Variants in GRID2 observed in about 807,000 individuals in gnomAD.
GRID2 encodes glutamate receptor ionotropic, delta-2.
Under a neutral mutation model 114.8 loss-of-function variants are expected in GRID2, and 33 were observed. The observed-to-expected ratio is 0.29, with a 90% CI of 0.22 to 0.38. The LOEUF (loss-of-function observed/expected upper bound fraction) is 0.38. Ranked by LOEUF, GRID2 falls within the 10% of genes least tolerant of loss-of-function variation. GRID2 has a pLI of 1.00. For synonymous variants in GRID2, 505 were observed against 449.9 expected (o/e 1.12, Z -1.55); for missense variants, 1,184 against 1,257.7 (o/e 0.94, Z 0.89).
chr4:92,553,919 G>T (rs1726724543), intron 1 of GRID2, among the ~76,000 whole-genome samples: 1 of 152,042 alleles, frequency 6.6e-6, no homozygotes, highest in Admixed American at 6.6e-5. Context: ...CAAAGTGCTG[G>T]GATTACAGGC....
At chr4:92,842,624 T>G (rs1012683112) in intron 2 of GRID2, among the ~76,000 whole-genome samples, 1 of 152,104 alleles carries the variant, frequency 6.6e-6, no homozygotes, top group African/African-American at 2.4e-5. Flanking sequence ...TGGCAGGTGC[T>G]GAGAAATAGT....
chr4:92,551,538 C>T (rs765999405), intron 1 of GRID2, among the ~76,000 whole-genome samples: 4 of 152,148 alleles, frequency 2.6e-5, no homozygotes, highest in African/African-American at 9.6e-5. Context: ...TGTGTCAGTG[C>T]CTGGGAGGAT....
intron 1 of GRID2, among the ~76,000 whole-genome samples, chr4:93,805,976 G>T (rs1268695618): frequency 6.6e-6 from 1 of 152,098 alleles, no homozygotes; most frequent in South Asian, 2.1e-4. Flanking sequence ...ATGTGCCTGT[G>T]GTCCCAGCTA....
rs548936919 is a variant in GRID2, at chr4:92,844,040, TA to T, written c.245-240948del. Reference sequence around the variant, plus strand: ...TTGATTAATATCACCACTGATTTAATAAAAAAACTTTATTGATAATCTATTA... The same window carrying T: ...TTGATTAATATCACCACTGATTTAATAAAAAACTTTATTGATAATCTATTA... On this transcript the variant is annotated intron_variant, in intron 2 of 15. Transcript: ENST00000282020. 4.5e-4 allele frequency among the ~76,000 whole-genome samples: 68 copies of T among 152,232 alleles called. 1 individual carries two copies. The South Asian group carries it at 0.012, about 28-fold the overall frequency.
intron 13 of GRID2, among the ~76,000 whole-genome samples, chr4:93,530,470 A>G (rs1280296333): frequency 6.6e-6 from 1 of 152,110 alleles, no homozygotes; most frequent in Non-Finnish European, 1.5e-5. Context: ...CAATGTTCTT[A>G]CATATCAGGT....
chr4:93,230,906 A>G (rs1746054365), intron 7 of GRID2, among the ~76,000 whole-genome samples: 1 of 152,156 alleles, frequency 6.6e-6, no homozygotes, highest in Admixed American at 6.6e-5. Flanking sequence ...CATGAAAACT[A>G]TATTTATATA....
At chr4:92,545,482 G>T (rs960961268) in intron 1 of GRID2, among the ~76,000 whole-genome samples, 3 of 152,140 alleles carry the variant, frequency 2.0e-5, no homozygotes, top group African/African-American at 7.2e-5. Flanking sequence ...TAAAACGTCA[G>T]GTTGATTCTT....
chr4:92,359,567 A>T (rs1728514020), intron 1 of GRID2, among the ~76,000 whole-genome samples: 1 of 152,008 alleles, frequency 6.6e-6, no homozygotes, highest in South Asian at 2.1e-4. Flanking sequence ...AACATGTGTT[A>T]TGCTTACTCT....
rs146646469 is a variant in GRID2, at chr4:93,702,597, T to C, written c.2361-66613T>C. Among the ~76,000 whole-genome samples the C allele has an allele frequency of 2.2e-4, 33 of 152,270 alleles. No individual in the cohort carries two copies. The East Asian group carries it at 6.2e-3, about 28-fold the overall frequency. On this transcript the variant is annotated intron_variant, in intron 14 of 15. Coordinates refer to ENST00000282020, the MANE Select transcript of GRID2 (RefSeq NM_001510.4). The stretch of plus-strand genomic sequence containing the variant: ...ATGCAAGAGTTTATCTGAGAGAATA[T>C]ACCTGAATTGGAAACACGGAATTTA...
At position 93,562,144 on chromosome 4, in the gene GRID2, A is replaced by G. The variant is rs141619948; in HGVS notation, c.2193+46733A>G. ...GTACTATTTTGCATTTCCACCAGCC[A>G]TGAATGAGTGTCTAGTGCTTTAAAT... On this transcript the variant is annotated intron_variant, in intron 13 of 15. Transcript: ENST00000282020. Among the ~76,000 whole-genome samples the G allele has an allele frequency of 6.2e-4, 95 of 152,200 alleles. 3 individuals carry two copies. The East Asian group carries it at 0.013, about 21-fold the overall frequency.
intron 8 of GRID2, among the ~76,000 whole-genome samples, chr4:93,368,334 G>C (rs191448167): frequency 4.6e-4 from 70 of 152,118 alleles, no homozygotes; most frequent in Admixed American, 3.0e-3. Context: ...AAGTAATTAT[G>C]TTCTTAACTA....
chr4:92,603,936 A>G (rs1354497484), intron 2 of GRID2, among the ~76,000 whole-genome samples: 44 of 152,192 alleles, frequency 2.9e-4, no homozygotes, highest in Non-Finnish European at 1.5e-5. Context: ...AACATGAAAA[A>G]AAGCTCAACA....
Position 93,437,199 on chromosome 4 carries a change from A to G in GRID2, c.1545+14231A>G, listed in dbSNP as rs1037521722. 2.2e-4 allele frequency among the ~76,000 whole-genome samples: 34 copies of G among 152,140 alleles called. 4 individuals are homozygous for G. ...CCTGACACAGTCTCACATACTATGTATTTATTACCTCTCAGTACTCACAAT... is the reference window on the plus strand; with the variant it reads ...CCTGACACAGTCTCACATACTATGTGTTTATTACCTCTCAGTACTCACAAT... On this transcript the variant is annotated intron_variant, in intron 10 of 15. Coordinates refer to ENST00000282020, the MANE Select transcript of GRID2 (RefSeq NM_001510.4).
intron 2 of GRID2, among the ~76,000 whole-genome samples, chr4:92,737,723 T>G (rs941629539): frequency 6.6e-6 from 1 of 152,122 alleles, no homozygotes; most frequent in Admixed American, 6.6e-5. Flanking sequence ...CTCTTACAGA[T>G]CTATAAGATC....
At chr4:93,288,503 T>C (rs905524335) in intron 8 of GRID2, among the ~76,000 whole-genome samples, 1 of 152,252 alleles carries the variant, frequency 6.6e-6, no homozygotes, top group East Asian at 1.9e-4. Context: ...TGCCCTTAGA[T>C]GGCCACTATC....
At chr4:93,407,967 A>G (rs1261346188) in intron 9 of GRID2, among the ~76,000 whole-genome samples, 1 of 152,056 alleles carries the variant, frequency 6.6e-6, no homozygotes, top group Non-Finnish European at 1.5e-5. Flanking sequence ...AATGATTCTT[A>G]TGTAGAGTAA....
At chr4:92,921,987 G>C (rs900565701) in intron 2 of GRID2, among the ~76,000 whole-genome samples, 2 of 152,150 alleles carry the variant, frequency 1.3e-5, no homozygotes, top group African/African-American at 4.8e-5. Flanking sequence ...AGCTTTGGTG[G>C]GCTCCACCCA....
intron 2 of GRID2, among the ~76,000 whole-genome samples, chr4:92,746,368 A>G (rs1305733284): frequency 2.0e-5 from 3 of 152,148 alleles, no homozygotes. Flanking sequence ...ATTTAGAAAG[A>G]AAATTTATAT....
At chr4:93,750,256 C>G (rs1020680298) in intron 14 of GRID2, among the ~76,000 whole-genome samples, 1 of 152,122 alleles carries the variant, frequency 6.6e-6, no homozygotes, top group African/African-American at 2.4e-5. Context: ...AAGGAAAGTT[C>G]AAAAGATGGA....
Sources: allele counts gnomAD v4.1 joint callset (sites outside exome capture counted in the v4.1 genomes callset), GRCh38; gene constraint gnomAD v4.1.1; transcripts MANE v1.5; gene names NCBI Gene and HGNC (gene_info 2026-07-23, HGNC 2026-07-21).